Variants in ACYP2 observed in about 807,000 individuals in gnomAD.
The protein encoded by ACYP2 is acylphosphatase-2.
ACYP2 carries 12 observed loss-of-function variants against 11.2 expected under a neutral mutation model. The ratio of observed to expected loss-of-function variants is 1.08; its 90% confidence interval spans 0.69 to 1.74. The LOEUF is 1.74. ACYP2 is among the 40% of genes most tolerant of loss of function. The probability of loss-of-function intolerance (pLI) is 0.00; values close to 1 mark genes in which losing one functional copy is unlikely to be tolerated. For synonymous variants in ACYP2, 43 were observed against 32.2 expected (o/e 1.33, Z -1.13); for missense variants, 134 against 101.9 (o/e 1.31, Z -1.35).
intron 4 of ACYP2, among the ~76,000 whole-genome samples, chr2:54,121,545 A>G (rs1680158490): frequency 6.6e-6 from 1 of 152,244 alleles, no homozygotes; most frequent in South Asian, 2.1e-4. Context: ...GGGATGAATT[A>G]TTAAATGGCT....
At chr2:54,304,210 A>G (rs1689830371) in intron 6 of ACYP2, among the ~76,000 whole-genome samples, 1 of 85,648 alleles carries the variant, frequency 1.2e-5, no homozygotes, top group Non-Finnish European at 2.2e-5. Context: ...CTTTCATTAT[A>G]TATATGTCTG....
intron 2 of ACYP2, among the ~76,000 whole-genome samples, chr2:53,984,227 C>T (rs911915527): frequency 2.6e-5 from 4 of 152,040 alleles, no homozygotes; most frequent in Non-Finnish European, 5.9e-5. Flanking sequence ...AACTTCACAC[C>T]AAAACTAGGT....
intron 5 of ACYP2, among the ~76,000 whole-genome samples, chr2:54,138,176 C>T (rs943389625): frequency 3.3e-5 from 5 of 151,940 alleles, no homozygotes; most frequent in South Asian, 2.1e-4. Context: ...CTGGAAATTT[C>T]GAAGTGTTGT....
intron 6 of ACYP2, among the ~76,000 whole-genome samples, chr2:54,214,029 G>C (rs747350390): frequency 1.2e-4 from 18 of 151,870 alleles, no homozygotes; most frequent in Non-Finnish European, 2.1e-4. Context: ...TGAAGTGCTG[G>C]GATTACAGGC....
At chr2:53,989,565 C>T (rs1195843921) in intron 2 of ACYP2, among the ~76,000 whole-genome samples, 1 of 152,144 alleles carries the variant, frequency 6.6e-6, no homozygotes, top group African/African-American at 2.4e-5. Flanking sequence ...TTCGGGACAT[C>T]TCCCATTATC....
At chr2:54,153,288 A>C (rs559608364) in intron 6 of ACYP2, among the ~76,000 whole-genome samples, 38 of 152,044 alleles carry the variant, frequency 2.5e-4, no homozygotes, top group Non-Finnish European at 4.6e-4. Context: ...GTTGACTGTA[A>C]ATATGTGGGT....
At chr2:54,120,191 A>G (rs1228358786) in intron 4 of ACYP2, among the ~76,000 whole-genome samples, 2 of 151,710 alleles carry the variant, frequency 1.3e-5, no homozygotes, top group East Asian at 3.9e-4. Context: ...TTCATCCTGT[A>G]CTTTAAAAAA....
intron 4 of ACYP2, among the ~76,000 whole-genome samples, chr2:54,094,924 T>C (rs1678437416): frequency 6.6e-6 from 1 of 151,894 alleles, no homozygotes; most frequent in African/African-American, 2.4e-5. Context: ...TTCTTGGGTG[T>C]TTCTCACAGA....
At chr2:53,990,617 C>G (rs940744317) in intron 2 of ACYP2, among the ~76,000 whole-genome samples, 1 of 147,086 alleles carries the variant, frequency 6.8e-6, no homozygotes, top group African/African-American at 2.5e-5. Context: ...CCATTGCACT[C>G]CAGCCTGGGA....
intron 6 of ACYP2, among the ~76,000 whole-genome samples, chr2:54,241,706 AAG>A (rs1379228633): frequency 3.9e-5 from 6 of 152,232 alleles, no homozygotes; most frequent in Non-Finnish European, 8.8e-5. Context: ...TGTTGCCATT[AAG>A]AGTATGAAAA....
intron 6 of ACYP2, among the ~76,000 whole-genome samples, chr2:54,297,439 A>G (rs1689565353): frequency 6.6e-6 from 1 of 152,196 alleles, no homozygotes; most frequent in African/African-American, 2.4e-5. Flanking sequence ...TCGAGATTAC[A>G]GTGCACTATT....
chr2:54,195,947 G>A (rs909259197), intron 6 of ACYP2, among the ~76,000 whole-genome samples: 1 of 151,696 alleles, frequency 6.6e-6, no homozygotes, highest in Non-Finnish European at 1.5e-5. Context: ...ACAAGCGCCT[G>A]CCACCACACT....
At chr2:54,113,487 T>C (rs1235944977) in intron 4 of ACYP2, among the ~76,000 whole-genome samples, 1 of 152,082 alleles carries the variant, frequency 6.6e-6, no homozygotes, top group Non-Finnish European at 1.5e-5. Context: ...CTCAAGCTGT[T>C]CGCCAGCCTT....
At chr2:54,270,401 AATTACTTTTTGT>A (rs1467633078) in intron 6 of ACYP2, among the ~76,000 whole-genome samples, 1 of 152,110 alleles carries the variant, frequency 6.6e-6, no homozygotes, top group Non-Finnish European at 1.5e-5. Context: ...TGCTAATTTA[AATTACTTTTTGT>A]TTTTGTGTTT....
intron 6 of ACYP2, among the ~76,000 whole-genome samples, chr2:54,217,469 C>T (rs780094664): frequency 2.8e-4 from 42 of 152,108 alleles, no homozygotes; most frequent in Middle Eastern, 3.4e-3. Context: ...TGGGCTCAAG[C>T]GACTTTCCTA....
At chr2:54,078,550 C>T (rs1418492465) in intron 4 of ACYP2, among the ~76,000 whole-genome samples, 1 of 151,374 alleles carries the variant, frequency 6.6e-6, no homozygotes, top group Admixed American at 6.6e-5. Context: ...TTATTTATTT[C>T]AGTTATTTAA....
At chr2:54,073,508 A>C (rs1677173091) in intron 4 of ACYP2, among the ~76,000 whole-genome samples, 1 of 152,276 alleles carries the variant, frequency 6.6e-6, no homozygotes. Flanking sequence ...AAACACAAGC[A>C]ACAAAAGGAA....
intron 2 of ACYP2, among the ~76,000 whole-genome samples, chr2:53,983,058 A>G (rs1025992857): frequency 1.3e-5 from 2 of 152,146 alleles, no homozygotes; most frequent in African/African-American, 4.8e-5. Flanking sequence ...ACTTAGTTAT[A>G]ATTTTATTAG....
chr2:54,115,884 A>G, intron 4 of ACYP2, 128 bp downstream of exon 1: 1 of 1,204,554 alleles, frequency 8.3e-7, no homozygotes, highest in East Asian at 3.1e-5. Flanking sequence ...CCGCCATGAC[A>G]CAGCAGCGGC....
Sources: gnomAD v4.1 joint callset for allele counts (sites outside exome capture counted in the v4.1 genomes callset) on GRCh38, gnomAD v4.1.1 for gene constraint, MANE v1.5 for transcripts, NCBI Gene and HGNC (gene_info 2026-07-23, HGNC 2026-07-21) for gene names.